DNAH9: variants seen among roughly 807,000 people sequenced by gnomAD.
DNAH9 encodes the protein DNAH9 variant protein.
DNAH9 carries 345 observed loss-of-function variants against 471.6 expected under a neutral mutation model. The ratio of observed to expected loss-of-function variants is 0.73; its 90% CI spans 0.67 to 0.80. DNAH9 has a LOEUF of 0.80. Ranked by LOEUF, DNAH9 falls within the 30% of genes least tolerant of loss-of-function variation. DNAH9 has a pLI of 0.00. For missense variants in DNAH9, 5,407 were observed against 5,609.2 expected, an observed-to-expected ratio of 0.96 and a Z score of 1.15; for synonymous variants, 2,093 against 2,123.6, an observed-to-expected ratio of 0.99 and a Z score of 0.40.
intron 51 of DNAH9, among the ~76,000 whole-genome samples, chr17:11,870,891 C>T (rs1448475948): frequency 6.6e-6 from 1 of 152,126 alleles, no homozygotes. Context: ...TGAAAACAGG[C>T]ATGTGAATGA....
intron 36 of DNAH9, among the ~76,000 whole-genome samples, chr17:11,765,264 GTC>G (rs1967886679): frequency 6.6e-6 from 1 of 152,166 alleles, no homozygotes; most frequent in South Asian, 2.1e-4. Context: ...CGTATCTGGT[GTC>G]TCTCTTGCAA....
At position 11,807,722 on chromosome 17, in the gene DNAH9, T is replaced by G. The variant is rs200793153; in HGVS notation, c.8421-10T>G. 37 of 1,599,756 alleles carry G rather than the reference T, an allele frequency of 2.3e-5. No individual in the cohort carries two copies. The highest frequency in any genetic ancestry group is 2.8e-5 in the Non-Finnish European group (33 of 1,168,692). On this transcript the variant is annotated splice_polypyrimidine_tract_variant and intron_variant, in intron 43 of 68. Transcript: ENST00000262442. ...ATCAAAGCAACATGTGCCTGCTTCCTTCTCTTTAGCTGCCATATCAATCGC... is the reference window on the plus strand; with the variant it reads ...ATCAAAGCAACATGTGCCTGCTTCCGTCTCTTTAGCTGCCATATCAATCGC...
intron 13 of DNAH9, among the ~76,000 whole-genome samples, chr17:11,652,485 C>T (rs917950309): frequency 6.6e-6 from 1 of 151,888 alleles, no homozygotes; most frequent in Non-Finnish European, 1.5e-5. Context: ...CAGGGTTTCA[C>T]CGTGTTAGCC....
intron 4 of DNAH9, 169 bp downstream of exon 4, chr17:11,611,949 T>C: frequency 1.5e-6 from 1 of 670,206 alleles, no homozygotes; most frequent in South Asian, 1.7e-5. Context: ...TGAGAGCAGC[T>C]AAACAGAGCT....
At chr17:11,718,033 C>T (rs1232303082) in intron 26 of DNAH9, among the ~76,000 whole-genome samples, 1 of 101,374 alleles carries the variant, frequency 9.9e-6, no homozygotes, top group African/African-American at 2.9e-5. Context: ...TACACCACAC[C>T]CATCTCATTT....
intron 42 of DNAH9, among the ~76,000 whole-genome samples, 195 bp from the exon 43 acceptor site, chr17:11,797,402 A>C (rs1012062871): frequency 2.0e-5 from 3 of 151,972 alleles, no homozygotes; most frequent in Non-Finnish European, 4.4e-5. Flanking sequence ...AACAAACATC[A>C]CCTGAGACTT....
chr17:11,633,249 G>T (rs1195246917), intron 8 of DNAH9, among the ~76,000 whole-genome samples: 2 of 152,200 alleles, frequency 1.3e-5, no homozygotes, highest in African/African-American at 4.8e-5. Flanking sequence ...TGAAGACTCA[G>T]TGGAGCATGA....
intron 2 of DNAH9, 127 bp from the exon 3 acceptor site, chr17:11,610,269 G>A: frequency 1.4e-6 from 1 of 703,460 alleles, no homozygotes; most frequent in Admixed American, 3.1e-5. Context: ...GAATGCATGG[G>A]CTAGATGAAA....
intron 20 of DNAH9, among the ~76,000 whole-genome samples, chr17:11,690,702 T>C (rs1007728252): frequency 6.6e-6 from 1 of 151,456 alleles, no homozygotes; most frequent in African/African-American, 2.4e-5. Context: ...AAAAAATGTA[T>C]ATATAAGAAA....
At position 11,752,946 on chromosome 17, in the gene DNAH9, A is replaced by G. The variant is rs757397938; in HGVS notation, c.6724A>G (p.Met2242Val). 1 of 1,594,180 alleles carries G rather than the reference A, an allele frequency of 6.3e-7. No individual in the cohort carries two copies. The highest frequency in any genetic ancestry group is 1.1e-5 in the South Asian group (1 of 88,098). The change falls in exon 33 of 69, where the codon ATG (methionine) becomes GTG (valine). Residue 2242 changes from methionine (M) to valine (V), a missense_variant. By Grantham distance (21) the Met-to-Val change is conservative. Coordinates refer to ENST00000262442, the MANE Select transcript of DNAH9 (RefSeq NM_001372.4). ...PMWIESLNTV[M>V]DDNKVLTLAS... is the part of the protein sequence containing the mutation. ...GTGGATTGAATCCCTGAATACTGTCATGGATGATAACAAGGTATGAAATTG... is the reference window on the plus strand; with the variant it reads ...GTGGATTGAATCCCTGAATACTGTCGTGGATGATAACAAGGTATGAAATTG...
intron 26 of DNAH9, among the ~76,000 whole-genome samples, chr17:11,711,698 T>C (rs1043205568): frequency 6.6e-6 from 1 of 151,356 alleles, no homozygotes; most frequent in Non-Finnish European, 1.5e-5. Context: ...GCCTTAATAC[T>C]TTCAACTTCA....
chr17:11,777,548 TAC>T (rs1349945013), intron 38 of DNAH9, among the ~76,000 whole-genome samples: 4 of 152,242 alleles, frequency 2.6e-5, no homozygotes, highest in Non-Finnish European at 5.9e-5. Flanking sequence ...AGTTTTAGTG[TAC>T]AGAGAGAAGG....
intron 26 of DNAH9, among the ~76,000 whole-genome samples, chr17:11,712,381 G>A (rs975306359): frequency 8.6e-5 from 13 of 151,158 alleles, no homozygotes; most frequent in Admixed American, 7.3e-4. Flanking sequence ...AAACAATACC[G>A]CTCTGAATGT....
Position 11,669,122 on chromosome 17 carries a change from G to C in DNAH9, c.2790G>C (p.Glu930Asp), listed in dbSNP as rs761708551. The change falls in exon 16 of 69, where the codon GAG becomes GAC. Residue 930 changes from glutamate to aspartate, a missense_variant. Glu to Asp is a conservative substitution (Grantham distance 45, BLOSUM62 2). Coordinates refer to ENST00000262442, the MANE Select transcript of DNAH9 (RefSeq NM_001372.4). ...FEAQLSLAIP[E>D]LVFYPSLESG... ...CACAACTGAGTCTAGCCATCCCAGA[G>C]CTAGTTTTCTATCCGTCTCTGGAGT... 6.2e-7 allele frequency: 1 copy of C among 1,613,958 alleles called. No individual in the cohort carries two copies. The highest frequency in any genetic ancestry group is 2.2e-5 in the East Asian group (1 of 44,874).
chr17:11,876,885 G>A (rs754769604), intron 53 of DNAH9, among the ~76,000 whole-genome samples: 96 of 151,938 alleles, frequency 6.3e-4, no homozygotes, highest in African/African-American at 2.1e-3. Flanking sequence ...CACCACACCC[G>A]GCTAACTTTT....
chr17:11,896,390 C>T (rs779647287), intron 59 of DNAH9, among the ~76,000 whole-genome samples: 20 of 152,304 alleles, frequency 1.3e-4, no homozygotes, highest in East Asian at 3.9e-4. Context: ...TGAATGGACA[C>T]GGCTGAGTTC....
In DNAH9 at chr17:11,598,754, G is replaced by A; in HGVS notation, c.256G>A (p.Gly86Arg). 2.1e-6 allele frequency: 3 copies of A among 1,430,724 alleles called. No homozygotes were observed. The highest frequency in any genetic ancestry group is 1.4e-5 in the South Asian group (1 of 71,346). 88.6% of individuals were successfully genotyped at this position (1,430,724 alleles called of 1,614,324 possible). Residue 86 changes from glycine (G) to arginine (R), a missense_variant, in exon 1 of 69, where the codon GGG becomes AGG. Physicochemically the swap from Gly to Arg is moderately radical, Grantham distance 125. Transcript: ENST00000262442. ...PGPRGLAIRP[G>R]LEVGPESGLA... ...GCCCAGGGGCCTGGCAATACGCCCCGGGCTGGAGGTGGGACCTGAGTCGGG... is the reference window on the plus strand; with the variant it reads ...GCCCAGGGGCCTGGCAATACGCCCCAGGCTGGAGGTGGGACCTGAGTCGGG...
intron 52 of DNAH9, 116 bp downstream of exon 52, chr17:11,871,902 C>A: frequency 2.7e-6 from 3 of 1,126,982 alleles, no homozygotes; most frequent in Non-Finnish European, 3.8e-6. Context: ...CCCACCACCC[C>A]CTGAGCACCA....
At chr17:11,614,075 T>G (rs1422405064) in intron 4 of DNAH9, among the ~76,000 whole-genome samples, 1 of 152,166 alleles carries the variant, frequency 6.6e-6, no homozygotes, top group Non-Finnish European at 1.5e-5. Flanking sequence ...GAGAAATTCT[T>G]TAAATATGAA....
Sources: gnomAD v4.1 joint callset for allele counts (sites outside exome capture counted in the v4.1 genomes callset) on GRCh38, gnomAD v4.1.1 for gene constraint, MANE v1.5 for transcripts, NCBI Gene and HGNC (gene_info 2026-07-23, HGNC 2026-07-21) for gene names.